ADNP: variants seen among roughly 807,000 people sequenced by gnomAD.
ADNP encodes the protein activity dependent neuroprotector homeobox.
ADNP carries 4 observed loss-of-function variants against 84.9 expected under a neutral mutation model. The observed-to-expected ratio is 0.05, with a 90% CI of 0.02 to 0.11. ADNP has a LOEUF of 0.11. Among genes scored for constraint, ADNP ranks in the 10% least tolerant of loss-of-function variants. The probability of loss-of-function intolerance (pLI) is 1.00; values close to 1 mark genes in which losing one functional copy is unlikely to be tolerated. For missense variants in ADNP, 1,132 were observed against 1,326.0 expected, an observed-to-expected ratio of 0.85 and a Z score of 2.27; for synonymous variants, 554 against 468.1, an observed-to-expected ratio of 1.18 and a Z score of -2.37.
rs748014085 is a variant in ADNP at position 50,893,459 on chromosome 20, T to C, written c.1255A>G (p.Arg419Gly). The C allele has an allele frequency of 6.2e-7, 1 of 1,613,984 alleles. No homozygotes were observed. The highest frequency in any genetic ancestry group is 8.5e-7 in the Non-Finnish European group (1 of 1,180,050). Reference sequence around the variant, plus strand: ...TTGGAACTGGACTGACCTAACACTCTGGATGCCTGTGACTGAGAGAGGGAA... The same window carrying C: ...TTGGAACTGGACTGACCTAACACTCCGGATGCCTGTGACTGAGAGAGGGAA... ...SPSLSQSQAS[R>G]VLGQSSSKPA... Residue 419 changes from arginine to glycine, a missense_variant, in exon 6 of 6, where the codon AGA becomes GGA. Transcript: ENST00000621696. The surrounding 1 kb of genome is among the most constrained non-coding windows in gnomAD (Gnocchi z 4.4).
chr20:50,930,842 G>A lies in ADNP; in HGVS notation c.-281C>T, dbSNP rs1341951742. 1 of 147,404 alleles carries A rather than the reference G, an allele frequency of 6.8e-6. No individual in the cohort carries two copies. Among genetic ancestry groups the A allele is most frequent in the Non-Finnish European group, 1.5e-5 (1 of 66,010 alleles). The allele number at this position is 147,404 out of a possible 1,614,324, so 9.1% of individuals were successfully genotyped here. Reference sequence around the variant, plus strand: ...CGGGCTTACCTTGACTCGGCCTCGAGGCGCGCGCGGGGCCGGCGTGCTCGG... The same window carrying A: ...CGGGCTTACCTTGACTCGGCCTCGAAGCGCGCGCGGGGCCGGCGTGCTCGG... On this transcript the variant is annotated 5_prime_UTR_variant, in exon 1 of 6. Transcript: ENST00000621696.
Position 50,894,166 on chromosome 20 carries a change from T to A in ADNP, c.548A>T (p.His183Leu). 1 of 1,614,166 alleles carries A rather than the reference T, an allele frequency of 6.2e-7. No individual in the cohort carries two copies. Among genetic ancestry groups the A allele is most frequent in the Non-Finnish European group, 8.5e-7 (1 of 1,179,990 alleles). The stretch of plus-strand genomic sequence containing the variant: ...ATGCTGAAAATGTTCCCTGTAAATG[T>A]GCTTCCTAACTATTTCATAAAGAGG... ...RDPLYEIVRK[H>L]IYREHFQHVA... is the part of the protein sequence containing the mutation. Residue 183 changes from histidine to leucine, a missense_variant, in exon 6 of 6, where the codon CAC becomes CTC. Physicochemically the swap from His to Leu is moderately conservative, Grantham distance 99. This residue lies in a region of ADNP where 130 missense variants were observed against 183.7 expected (regional missense o/e 0.71). Transcript: ENST00000621696.
At position 50,931,265 on chromosome 20, in the gene ADNP, G is replaced by C. The variant is rs1347029466; in HGVS notation, c.-704C>G. Reference sequence around the variant, plus strand: ...TGGCGGCGGCCGGGGGGGGGGGGGCGGGAGTTCAGCTCATGGATCCCGGCG... The same window carrying C: ...TGGCGGCGGCCGGGGGGGGGGGGGCCGGAGTTCAGCTCATGGATCCCGGCG... On this transcript the variant is annotated 5_prime_UTR_variant, in exon 1 of 6. Transcript: ENST00000621696. 1 of 81,056 alleles carries C rather than the reference G, an allele frequency of 1.2e-5. No individual in the cohort carries two copies. The highest frequency in any genetic ancestry group is 1.1e-4 in the Admixed American group (1 of 9,164). The allele number at this position is 81,056 out of a possible 1,614,324, so 5.0% of individuals were successfully genotyped here. A position where few individuals can be genotyped will look rare whatever the true frequency, so the allele number is the denominator to read the frequency against.
intron 2 of ADNP, among the ~76,000 whole-genome samples, chr20:50,909,109 G>T (rs1024988875): frequency 6.6e-6 from 1 of 150,718 alleles, no homozygotes; most frequent in African/African-American, 2.4e-5. Context: ...GGTGGCTCAC[G>T]CCTATAATCC....
At chr20:50,922,907 T>TA (rs1470951839) in intron 2 of ADNP, among the ~76,000 whole-genome samples, 1 of 152,032 alleles carries the variant, frequency 6.6e-6, no homozygotes. Flanking sequence ...AAAAGCTTCA[T>TA]ATAGGAAACC....
intron 2 of ADNP, among the ~76,000 whole-genome samples, chr20:50,912,655 C>T (rs1242319102): frequency 6.6e-6 from 1 of 152,152 alleles, no homozygotes; most frequent in Non-Finnish European, 1.5e-5. Flanking sequence ...AATGTAGAAT[C>T]TGGGCCTAGT....
intron 2 of ADNP, among the ~76,000 whole-genome samples, chr20:50,927,990 G>A (rs532212472): frequency 4.3e-4 from 66 of 152,216 alleles, no homozygotes; most frequent in African/African-American, 1.5e-3. Flanking sequence ...ATACTATACA[G>A]TATTTAAAAA....
intron 2 of ADNP, among the ~76,000 whole-genome samples, chr20:50,916,560 C>T (rs1983524572): frequency 6.6e-6 from 1 of 152,136 alleles, no homozygotes; most frequent in Admixed American, 6.6e-5. Context: ...CCCTAGTTCC[C>T]TGGATAAACT....
chr20:50,913,276 A>G (rs1291586902), intron 2 of ADNP, among the ~76,000 whole-genome samples: 14 of 142,406 alleles, frequency 9.8e-5, no homozygotes, highest in African/African-American at 3.8e-4. Context: ...AAAAAAAAAA[A>G]AAAAAAAAAA....
At chr20:50,912,432 G>A (rs1327408081) in intron 2 of ADNP, among the ~76,000 whole-genome samples, 2 of 152,152 alleles carry the variant, frequency 1.3e-5, no homozygotes, top group Non-Finnish European at 2.9e-5. Flanking sequence ...TTACAGGTGT[G>A]AGCCACTGCG....
At chr20:50,906,440 CTGAGT>C (rs944395858) in intron 2 of ADNP, among the ~76,000 whole-genome samples, 1 of 152,188 alleles carries the variant, frequency 6.6e-6, no homozygotes, top group Non-Finnish European at 1.5e-5. Context: ...TGGGAACTTC[CTGAGT>C]TAACTCTGCT....
rs1460707829 is a variant in ADNP, at chr20:50,890,142, A to C, written c.*1263T>G. The stretch of plus-strand genomic sequence containing the variant: ...GTTTGTTTTTCAGTTAAAAAAAAAA[A>C]AAAAAAAAAAAAAAAAAAAGAAAAA... On this transcript the variant is annotated 3_prime_UTR_variant, in exon 6 of 6. Coordinates refer to ENST00000621696, the MANE Select transcript of ADNP (RefSeq NM_001282531.3). The C allele has an allele frequency of 1.1e-5, 3 of 264,658 alleles. 1 individual carries two copies. Among genetic ancestry groups the C allele is most frequent in the African/African-American group, 2.3e-5 (1 of 43,100 alleles). The allele number at this position is 264,658 out of a possible 1,614,324, so 16.4% of individuals were successfully genotyped here.
At chr20:50,905,246 A>G (rs1385683530) in intron 2 of ADNP, 1 of 152,232 alleles carries the variant, frequency 6.6e-6, no homozygotes, top group Admixed American at 6.5e-5. Context: ...ATAATATGGT[A>G]AAAATTTATC....
intron 2 of ADNP, chr20:50,914,379 AAG>A (rs1983335093): frequency 1.6e-6 from 1 of 610,544 alleles, no homozygotes; most frequent in African/African-American, 1.9e-5. Flanking sequence ...TTTAGTACTC[AAG>A]AGAATGGTAG....
chr20:50,898,511 G>C (rs992636738), intron 5 of ADNP, among the ~76,000 whole-genome samples: 2 of 152,210 alleles, frequency 1.3e-5, no homozygotes, highest in Non-Finnish European at 2.9e-5. Flanking sequence ...CAATGAAGCA[G>C]ATGCTTTAAC....
chr20:50,928,907 A>G (rs1269962453), intron 1 of ADNP, 82 bp from the exon 2 acceptor site: 1 of 152,262 alleles, frequency 6.6e-6, no homozygotes, highest in Non-Finnish European at 1.5e-5. Flanking sequence ...ACTGGTATCA[A>G]CATTTTTGTA....
Position 50,891,208 on chromosome 20 carries a change from T to G in ADNP, c.*197A>C, listed in dbSNP as rs1050159777. Reference sequence around the variant, plus strand: ...GTTTTTCACATTTAGTTACCGTGTCTGTCAGAGAAGGTTCTGAAGCAAGAA... The same window carrying G: ...GTTTTTCACATTTAGTTACCGTGTCGGTCAGAGAAGGTTCTGAAGCAAGAA... On this transcript the variant is annotated 3_prime_UTR_variant, in exon 6 of 6. Coordinates refer to ENST00000621696, the MANE Select transcript of ADNP (RefSeq NM_001282531.3). 1.5e-6 allele frequency: 2 copies of G among 1,326,296 alleles called. No individual in the cohort carries two copies. Among genetic ancestry groups the G allele is most frequent in the Admixed American group, 7.3e-5 (2 of 27,248 alleles). 82.2% of individuals were successfully genotyped at this position (1,326,296 alleles called of 1,614,324 possible).
Position 50,891,802 on chromosome 20 carries a change from G to A in ADNP, c.2912C>T (p.Pro971Leu). The A allele has an allele frequency of 6.2e-7, 1 of 1,614,102 alleles. No individual in the cohort carries two copies. Among genetic ancestry groups the A allele is most frequent in the Non-Finnish European group, 8.5e-7 (1 of 1,180,002 alleles). ...DVVEWKDGAS[P>L]SESGPGSQQV... ...TTGGGATCCAGGCCCACTCTCAGAT[G>A]GAGAAGCACCGTCTTTCCACTCAAC... is the stretch of plus-strand genomic sequence containing the variant. Residue 971 changes from proline to leucine, a missense_variant, in exon 6 of 6, where the codon CCA (proline) becomes CTA (leucine). Physicochemically the swap from Pro to Leu is moderately conservative, Grantham distance 98. Coordinates refer to ENST00000621696, the MANE Select transcript of ADNP (RefSeq NM_001282531.3).
Position 50,891,608 on chromosome 20 carries a change from C to T in ADNP, c.3106G>A (p.Val1036Ile). 2 of 1,613,950 alleles carry T rather than the reference C, an allele frequency of 1.2e-6. No individual in the cohort carries two copies. The highest frequency in any genetic ancestry group is 1.7e-6 in the Non-Finnish European group (2 of 1,180,036). ...TGGTCCTTAGACCAAAACCCTTCAA[C>T]TTTTCCATAGGAACTATTCTTCCAT... ...LKWKNSSYGK[V>I]EGFWSKDQSQ... Residue 1036 changes from valine (V) to isoleucine (I), a missense_variant, in exon 6 of 6, where the codon GTT becomes ATT. Val to Ile is a conservative substitution (Grantham distance 29, BLOSUM62 3). This residue lies in a region of ADNP where 381 missense variants were observed against 319.9 expected (regional missense o/e 1.19). Transcript: ENST00000621696.
Sources: allele counts gnomAD v4.1 joint callset (sites outside exome capture counted in the v4.1 genomes callset), GRCh38; gene constraint gnomAD v4.1.1; regional missense constraint gnomAD v4.1.1; non-coding constraint Gnocchi (gnomAD v3.1); transcripts MANE v1.5; gene names NCBI Gene and HGNC (gene_info 2026-07-23, HGNC 2026-07-21).